The following TRPM6 variants were observed in gnomAD, a reference collection of about 807,000 sequenced individuals.
TRPM6 encodes transient receptor potential cation channel subfamily M member 6, also known as channel kinase 2.
Under a neutral mutation model 247.6 loss-of-function variants are expected in TRPM6, and 111 were observed. The observed-to-expected ratio is 0.45, with a 90% CI of 0.38 to 0.52. TRPM6 has a LOEUF of 0.52. TRPM6 is among the 20% of genes least tolerant of loss of function. The pLI, the probability that TRPM6 is intolerant of heterozygous loss-of-function variation, is 0.00. For missense variants in TRPM6, 2,126 were observed against 2,421.5 expected, an observed-to-expected ratio of 0.88 and a Z score of 2.56; for synonymous variants, 892 against 853.8, an observed-to-expected ratio of 1.04 and a Z score of -0.78.
chr9:74,876,585 T>C (rs1257867617), intron 1 of TRPM6, among the ~76,000 whole-genome samples: 3 of 152,212 alleles, frequency 2.0e-5, no homozygotes, highest in Admixed American at 6.5e-5. Flanking sequence ...AGGATTCATA[T>C]ACAGGCAGTC....
In TRPM6 at chr9:74,762,602, A is replaced by G. The variant is rs1011812187; in HGVS notation, c.4069T>C (p.Ser1357Pro). ...GACAGAGGCAAGACAGTTTCTGCTG[A>G]AAAAGGAACTCGCTTTAGATTAGAG... is the stretch of plus-strand genomic sequence containing the variant. ...VPSNLKRVPF[S>P]AETVLPLSRP... The change falls in exon 26 of 39, where the codon TCA becomes CCA. Residue 1357 changes from serine to proline, a missense_variant. By Grantham distance (74) the Ser-to-Pro change is moderately conservative (BLOSUM62 -1). Transcript: ENST00000360774. The G allele has an allele frequency of 5.0e-6, 8 of 1,614,208 alleles. No homozygotes were observed. The highest frequency in any genetic ancestry group is 6.8e-6 in the Non-Finnish European group (8 of 1,180,028).
At chr9:74,780,153 CAGAG>C (rs765470167) in intron 23 of TRPM6, among the ~76,000 whole-genome samples, 11 of 141,088 alleles carry the variant, frequency 7.8e-5, no homozygotes, top group Admixed American at 1.5e-4. Flanking sequence ...GCCTGGACAA[CAGAG>C]AGAGACTCAA....
chr9:74,760,353 C>T (rs772192310), intron 27 of TRPM6, among the ~76,000 whole-genome samples: 4 of 152,124 alleles, frequency 2.6e-5, no homozygotes, highest in Non-Finnish European at 5.9e-5. Flanking sequence ...CATTGTGTTA[C>T]AATTACCTAA....
intron 9 of TRPM6, chr9:74,820,093 C>T (rs767925373): frequency 2.1e-5 from 12 of 572,556 alleles, no homozygotes; most frequent in Non-Finnish European, 3.8e-5. Flanking sequence ...TGGTTTGCTG[C>T]ACCTATCAAC....
intron 6 of TRPM6, among the ~76,000 whole-genome samples, chr9:74,829,111 G>A (rs113031334): frequency 0.011 from 1,699 of 152,038 alleles, 39 homozygotes; most frequent in African/African-American, 0.039. Flanking sequence ...TGGCCAACAT[G>A]GTAAAACCCT....
chr9:74,809,324 G>A (rs1305643280), intron 13 of TRPM6, among the ~76,000 whole-genome samples: 1 of 152,054 alleles, frequency 6.6e-6, no homozygotes, highest in African/African-American at 2.4e-5. Flanking sequence ...CTTCATAACT[G>A]TTCACTTTTA....
At chr9:74,750,515 A>G in intron 30 of TRPM6, 149 bp downstream of exon 30, 2 of 744,416 alleles carry the variant, frequency 2.7e-6, no homozygotes, top group Non-Finnish European at 4.5e-6. Context: ...AGAAGAAATC[A>G]TTTTCATTCT....
intron 17 of TRPM6, chr9:74,800,050 G>A (rs1212966521): frequency 1.7e-6 from 1 of 602,286 alleles, no homozygotes; most frequent in East Asian, 2.9e-5. Context: ...AGTCGCAGAA[G>A]ACGACCATCC....
chr9:74,817,073 T>A lies in TRPM6; in HGVS notation c.1135-109A>T, dbSNP rs1185524731. The A allele has an allele frequency of 2.9e-6, 3 of 1,044,484 alleles. No homozygotes were observed. The African/African-American group carries it at 4.7e-5, about 16-fold the overall frequency. The allele number at this position is 1,044,484 out of a possible 1,614,324, so 64.7% of individuals were successfully genotyped here. ...GGAGCTAATGAATTGAGGAAAACAT[T>A]CTTCTTTAAAACCTTTTTTTACTTA... On this transcript the variant is annotated intron_variant, in intron 9 of 38. Transcript: ENST00000360774.
intron 1 of TRPM6, among the ~76,000 whole-genome samples, chr9:74,879,966 A>G (rs983508345): frequency 6.6e-6 from 1 of 152,048 alleles, no homozygotes; most frequent in African/African-American, 2.4e-5. Flanking sequence ...TGAGTCCCCA[A>G]CTTGTGTGAT....
intron 1 of TRPM6, among the ~76,000 whole-genome samples, chr9:74,883,002 C>A (rs985021599): frequency 6.6e-6 from 1 of 152,076 alleles, no homozygotes; most frequent in Non-Finnish European, 1.5e-5. Flanking sequence ...AACTCTATAC[C>A]CATTAAACAA....
At chr9:74,755,077 C>T (rs1448080802) in intron 28 of TRPM6, among the ~76,000 whole-genome samples, 2 of 152,132 alleles carry the variant, frequency 1.3e-5, no homozygotes, top group East Asian at 1.9e-4. Flanking sequence ...AATGCTGTCT[C>T]GATAAAACAC....
intron 37 of TRPM6, among the ~76,000 whole-genome samples, chr9:74,729,356 A>G (rs551040682): frequency 2.0e-5 from 3 of 152,248 alleles, no homozygotes; most frequent in Admixed American, 1.3e-4. Flanking sequence ...ACTTTTTTCC[A>G]TCCAAGGATT....
chr9:74,872,790 C>T lies in TRPM6; in HGVS notation c.34-14042G>A, dbSNP rs755979419. On this transcript the variant is annotated intron_variant, in intron 1 of 38. Transcript: ENST00000360774. The stretch of plus-strand genomic sequence containing the variant: ...GAACCTGATTCTATCTCTTAAACAT[C>T]TCTTGTATCTGCCTACCTCTCTGCA... Among the ~76,000 whole-genome samples the T allele has an allele frequency of 2.6e-5, 4 of 152,270 alleles. No homozygotes were observed. The East Asian group carries it at 5.8e-4, about 22-fold the overall frequency.
At chr9:74,752,419 T>G in intron 28 of TRPM6, 51 bp from the exon 29 acceptor site, 1 of 1,035,100 alleles carries the variant, frequency 9.7e-7, no homozygotes, top group Non-Finnish European at 1.5e-6. Flanking sequence ...TGTGTTACAT[T>G]CAAATCACAG....
chr9:74,793,146 ACT>A (rs1352258973), intron 18 of TRPM6, among the ~76,000 whole-genome samples: 5 of 152,014 alleles, frequency 3.3e-5, no homozygotes, highest in African/African-American at 1.2e-4. Context: ...ACAGAGTGAG[ACT>A]CTGTCTCAAA....
At chr9:74,732,650 C>A in intron 37 of TRPM6, 35 bp downstream of exon 37, 1 of 1,466,754 alleles carries the variant, frequency 6.8e-7, no homozygotes, top group Non-Finnish European at 9.5e-7. Context: ...ATGTTAAATG[C>A]AATTTTCTAA....
intron 14 of TRPM6, among the ~76,000 whole-genome samples, chr9:74,804,939 C>G (rs528207393): frequency 6.6e-6 from 1 of 152,064 alleles, no homozygotes; most frequent in South Asian, 2.1e-4. Flanking sequence ...AGAGGGAGAA[C>G]TTTTTAATAG....
rs1042832647 is a variant in TRPM6, at chr9:74,852,998, G to A, written c.152+2529C>T. On this transcript the variant is annotated intron_variant, in intron 3 of 38. Transcript: ENST00000360774. ...CTCTCTGCCTGGCCGCCCAGTCTGG[G>A]AAGTGAGGAGCGTCTCTGCCCGGCC... Among the ~76,000 whole-genome samples the A allele has an allele frequency of 3.3e-5, 5 of 152,130 alleles. No homozygotes were observed. The South Asian group carries it at 6.2e-4, about 19-fold the overall frequency.
Sources: allele counts gnomAD v4.1 joint callset (sites outside exome capture counted in the v4.1 genomes callset), GRCh38; gene constraint gnomAD v4.1.1; transcripts MANE v1.5; gene names NCBI Gene and HGNC (gene_info 2026-07-23, HGNC 2026-07-21).